Variants in TXLNB observed in about 807,000 individuals in gnomAD.
TXLNB encodes the protein beta-taxilin.
Under a neutral mutation model 57.4 loss-of-function variants are expected in TXLNB, and 37 were observed. The observed-to-expected ratio is 0.64, with a 90% CI of 0.50 to 0.85. The LOEUF (loss-of-function observed/expected upper bound fraction) is 0.85, where lower values mean the gene tolerates loss of function less well. TXLNB is among the 40% of genes least tolerant of loss of function. The probability of loss-of-function intolerance (pLI) is 0.00; values close to 1 mark genes in which losing one functional copy is unlikely to be tolerated. For synonymous variants in TXLNB, 302 were observed against 309.6 expected, an observed-to-expected ratio of 0.98 and a Z score of 0.26; for missense variants, 848 against 825.6, an observed-to-expected ratio of 1.03 and a Z score of -0.33.
intron 8 of TXLNB, chr6:139,245,376 G>A (rs544818198): frequency 2.6e-5 from 4 of 152,352 alleles, no homozygotes; most frequent in African/African-American, 9.6e-5. Context: ...TGGTCACCAG[G>A]CCCTGGGCTG....
the TXLNB span, among the ~76,000 whole-genome samples, chr6:139,299,208 T>C: frequency 2.0e-5 from 3 of 152,208 alleles, no homozygotes; most frequent in African/African-American, 7.2e-5. Flanking sequence ...GCCTTGTTGC[T>C]GCACATGGGT....
intron 2 of TXLNB, among the ~76,000 whole-genome samples, chr6:139,280,181 G>A (rs1777007671): frequency 1.4e-5 from 2 of 147,492 alleles, no homozygotes; most frequent in African/African-American, 2.5e-5. Context: ...GAACCAGGGA[G>A]GCAGAAATTG....
chr6:139,163,109 A>C, the TXLNB span, among the ~76,000 whole-genome samples: 6 of 152,220 alleles, frequency 3.9e-5, no homozygotes, highest in South Asian at 1.2e-3. Context: ...GGGACTTTTC[A>C]GGTTTATTGC....
chr6:139,320,608 TG>T, the TXLNB span, among the ~76,000 whole-genome samples: 1 of 151,988 alleles, frequency 6.6e-6, no homozygotes, highest in African/African-American at 2.4e-5. Flanking sequence ...GGGAATTTTC[TG>T]TAGGCAGAAA....
chr6:139,283,995 G>A (rs1198227599), intron 2 of TXLNB, among the ~76,000 whole-genome samples: 1 of 145,678 alleles, frequency 6.9e-6, no homozygotes, highest in Non-Finnish European at 1.5e-5. Context: ...AAAGAGCAGA[G>A]AAAACACTTT....
the TXLNB span, among the ~76,000 whole-genome samples, chr6:139,193,822 T>TTATA: frequency 3.6e-4 from 33 of 92,630 alleles, no homozygotes; most frequent in East Asian, 3.5e-3. Flanking sequence ...CCTGGCTAAT[T>TTATA]TATATATATA....
the TXLNB span, among the ~76,000 whole-genome samples, chr6:139,198,056 A>T: frequency 3.3e-5 from 5 of 152,224 alleles, no homozygotes; most frequent in African/African-American, 1.2e-4. Flanking sequence ...CATTCAAACC[A>T]TATCAGTTGG....
chr6:139,243,083 C>T lies in TXLNB; in HGVS notation c.1498G>A (p.Val500Met), dbSNP rs1026001615. The T allele has an allele frequency of 4.3e-6, 7 of 1,614,054 alleles. No homozygotes were observed. In the Admixed American group the frequency reaches 5.0e-5, roughly 12 times the overall value. ...ATGAAGGCTGTGGCCAGATTTTTCA[C>T]GGCGGTTTGGACACTATTAACCTCC... The part of the protein sequence containing the change: ...AEEVNSVQTA[V>M]KNLATAFMII... The change falls in exon 10 of 10, where the codon GTG (valine) becomes ATG (methionine). Residue 500 changes from valine to methionine, a missense_variant. Coordinates refer to ENST00000358430, the MANE Select transcript of TXLNB (RefSeq NM_153235.4).
chr6:139,224,447 T>C, the TXLNB span, among the ~76,000 whole-genome samples: 6 of 151,586 alleles, frequency 4.0e-5, no homozygotes, highest in African/African-American at 1.5e-4. Flanking sequence ...TAAAGTATAA[T>C]AATAATTAAT....
At chr6:139,159,420 A>G in the TXLNB span, among the ~76,000 whole-genome samples, 1 of 152,226 alleles carries the variant, frequency 6.6e-6, no homozygotes, top group African/African-American at 2.4e-5. Flanking sequence ...CTAGTATCCC[A>G]TGGAACCGGG....
chr6:139,211,793 T>C, the TXLNB span, among the ~76,000 whole-genome samples: 1 of 152,166 alleles, frequency 6.6e-6, no homozygotes, highest in African/African-American at 2.4e-5. Context: ...AAGGACCTAA[T>C]GGAGCTGAAA....
At chr6:139,309,203 A>G in the TXLNB span, among the ~76,000 whole-genome samples, 2 of 152,234 alleles carry the variant, frequency 1.3e-5, no homozygotes, top group Admixed American at 1.3e-4. Flanking sequence ...TTTCAGCAGC[A>G]AATGTTAATC....
chr6:139,260,356 T>C lies in TXLNB; in HGVS notation c.964A>G (p.Lys322Glu). The change falls in exon 6 of 10, where the codon AAG (lysine) becomes GAG (glutamate). Residue 322 changes from lysine (K) to glutamate (E), a missense_variant. By Grantham distance (56) the Lys-to-Glu change is moderately conservative (BLOSUM62 1). Coordinates refer to ENST00000358430, the MANE Select transcript of TXLNB (RefSeq NM_153235.4). ...CGTTTGTGTCGCTCCTCCGCTTCCT[T>C]CATCATTTCTTGGGCCTGCTCAAGC... is the stretch of plus-strand genomic sequence containing the variant. ...AKLEQAQEMM[K>E]EAEERHKREK... 1 of 1,614,180 alleles carries C rather than the reference T, an allele frequency of 6.2e-7. No homozygotes were observed. Among genetic ancestry groups the C allele is most frequent in the Non-Finnish European group, 8.5e-7 (1 of 1,180,024 alleles).
chr6:139,171,507 A>G, the TXLNB span, among the ~76,000 whole-genome samples: 1 of 152,242 alleles, frequency 6.6e-6, no homozygotes, highest in South Asian at 2.1e-4. Context: ...TTGACCACAT[A>G]TCAGCATTTT....
At chr6:139,168,718 G>A in the TXLNB span, among the ~76,000 whole-genome samples, 1 of 151,856 alleles carries the variant, frequency 6.6e-6, no homozygotes, top group South Asian at 2.1e-4. Flanking sequence ...TATTCTCTCA[G>A]CTTTTAGGAA....
chr6:139,159,270 C>G, the TXLNB span: 1 of 152,200 alleles, frequency 6.6e-6, no homozygotes, highest in East Asian at 1.9e-4. Context: ...ATGGAGGACA[C>G]TGGTCAGAAA....
the TXLNB span, among the ~76,000 whole-genome samples, chr6:139,313,133 C>T: frequency 7.3e-5 from 11 of 151,234 alleles, no homozygotes; most frequent in South Asian, 1.3e-3. Flanking sequence ...AGTGCAGTGG[C>T]GCGATCTCGG....
rs1165971328 is a variant in TXLNB, at chr6:139,242,733, C to A, written c.1848G>T (p.Gln616His). 3 of 1,613,844 alleles carry A rather than the reference C, an allele frequency of 1.9e-6. No individual in the cohort carries two copies. In the Admixed American group the frequency reaches 5.0e-5, roughly 27 times the overall value. ...TCTGTAGGGAGGCCTCGGTGGGAGC[C>A]TGTGGGGCCTGACCGGAAGCTTCTG... ...PEAEASGQAP[Q>H]APTEASLQKM... Residue 616 changes from glutamine to histidine, a missense_variant, in exon 10 of 10, where the codon CAG (glutamine) becomes CAT (histidine). Physicochemically the swap from Gln to His is conservative, Grantham distance 24. Coordinates refer to ENST00000358430, the MANE Select transcript of TXLNB (RefSeq NM_153235.4).
chr6:139,271,209 A>G (rs901016278), intron 3 of TXLNB, among the ~76,000 whole-genome samples: 1 of 152,170 alleles, frequency 6.6e-6, no homozygotes, highest in African/African-American at 2.4e-5. Flanking sequence ...CTACCTAAGC[A>G]TTGACGGGTT....
Sources: gnomAD v4.1 joint callset for allele counts (sites outside exome capture counted in the v4.1 genomes callset) on GRCh38, gnomAD v4.1.1 for gene constraint, MANE v1.5 for transcripts, NCBI Gene and HGNC (gene_info 2026-07-23, HGNC 2026-07-21) for gene names.